Variants in ZMYM2 observed in about 807,000 individuals in gnomAD.
The protein encoded by ZMYM2 is zinc finger MYM-type containing 2, also known as zinc finger MYM-type protein 2.
Under a neutral mutation model 162.8 loss-of-function variants are expected in ZMYM2, and 56 were observed. The observed-to-expected ratio is 0.34, with a 90% CI of 0.28 to 0.43. The LOEUF is 0.43. Among genes scored for constraint, ZMYM2 ranks in the 20% least tolerant of loss-of-function variants. The pLI, the probability that ZMYM2 is intolerant of heterozygous loss-of-function variation, is 1.00. For synonymous variants in ZMYM2, 510 were observed against 541.6 expected, an observed-to-expected ratio of 0.94 and a Z score of 0.81; for missense variants, 1,275 against 1,621.8, an observed-to-expected ratio of 0.79 and a Z score of 3.67.
the ZMYM2 span, among the ~76,000 whole-genome samples, chr13:19,932,133 A>G: frequency 6.6e-6 from 1 of 152,278 alleles, no homozygotes; most frequent in Non-Finnish European, 1.5e-5. Flanking sequence ...ATGCTAGAAA[A>G]ATTCTTTCTA....
At chr13:20,052,502 A>T (rs1955454030) in intron 14 of ZMYM2, among the ~76,000 whole-genome samples, 191 bp downstream of exon 14, 1 of 151,972 alleles carries the variant, frequency 6.6e-6, no homozygotes, top group South Asian at 2.1e-4. Context: ...TATAAAGGAG[A>T]ATTAATTATA....
At chr13:20,058,758 TGA>T (rs1204933366) in intron 15 of ZMYM2, 54 bp downstream of exon 15, 1 of 1,594,440 alleles carries the variant, frequency 6.3e-7, no homozygotes, top group East Asian at 2.2e-5. Context: ...TCTCACCTAA[TGA>T]AATACATGCT....
In ZMYM2 at chr13:20,027,261, A is replaced by C; in HGVS notation, c.1794A>C (p.Thr598=). The part of the protein sequence containing the change: ...KRNSLPQYQA[T]MPDGKLYNFC... ...ACTCTTTACCTCAATACCAAGCCAC[A>C]ATGCCTGATGGAAAACTGTACAACT... The change falls in exon 9 of 25, where the codon ACA becomes ACC. Residue 598 remains threonine, a synonymous_variant. Coordinates refer to ENST00000610343, the MANE Select transcript of ZMYM2 (RefSeq NM_197968.4). 1 of 1,586,598 alleles carries C rather than the reference A, an allele frequency of 6.3e-7. No individual in the cohort carries two copies. The highest frequency in any genetic ancestry group is 1.1e-5 in the South Asian group (1 of 87,202).
At chr13:19,953,811 A>G (rs921209742), upstream of ZMYM2, among the ~76,000 whole-genome samples, 9 of 151,846 alleles carry the variant, frequency 5.9e-5, no homozygotes, top group Middle Eastern at 3.2e-3. Context: ...CTTTCTCCAG[A>G]GTAATATTTT....
chr13:20,062,744 A>T, intron 17 of ZMYM2, 102 bp from the exon 18 acceptor site: 3 of 1,178,764 alleles, frequency 2.5e-6, no homozygotes, highest in Admixed American at 3.4e-5. Flanking sequence ...GTATTTTTTT[A>T]TATTGCATTT....
the ZMYM2 span, among the ~76,000 whole-genome samples, chr13:19,919,696 A>G: frequency 6.3e-5 from 8 of 127,114 alleles, no homozygotes; most frequent in African/African-American, 2.4e-4. Context: ...TTTTTTTTTG[A>G]AATGGAGTTT....
intron 2 of ZMYM2, among the ~76,000 whole-genome samples, chr13:19,973,560 A>G (rs549425679): frequency 1.3e-5 from 2 of 151,508 alleles, no homozygotes; most frequent in African/African-American, 4.8e-5. Flanking sequence ...AGTCCCAGCT[A>G]CTTGAGAGGC....
chr13:19,875,501 G>A, the ZMYM2 span, among the ~76,000 whole-genome samples: 3 of 151,578 alleles, frequency 2.0e-5, no homozygotes, highest in East Asian at 1.9e-4. Context: ...GGAGGTGCGC[G>A]CCTATAGTGC....
the ZMYM2 span, among the ~76,000 whole-genome samples, chr13:19,871,930 G>A: frequency 6.6e-6 from 1 of 152,008 alleles, no homozygotes; most frequent in African/African-American, 2.4e-5. Context: ...ATGCACATGT[G>A]TAGAAAATTT....
chr13:19,878,517 C>CTT, the ZMYM2 span, among the ~76,000 whole-genome samples: 475 of 99,002 alleles, frequency 4.8e-3, 3 homozygotes, highest in Non-Finnish European at 6.6e-3. Flanking sequence ...TTCCTTTGCC[C>CTT]TTTTTTTTTT....
intron 21 of ZMYM2, among the ~76,000 whole-genome samples, chr13:20,079,246 G>A (rs1957736607): frequency 1.4e-5 from 2 of 146,926 alleles, no homozygotes; most frequent in South Asian, 4.4e-4. Flanking sequence ...TTGAACCCTG[G>A]AGGCAGAGGT....
chr13:19,922,070 C>T, the ZMYM2 span, among the ~76,000 whole-genome samples: 2 of 152,022 alleles, frequency 1.3e-5, no homozygotes, highest in Non-Finnish European at 2.9e-5. Context: ...CGCACCACCA[C>T]GCTCACCTTA....
intron 2 of ZMYM2, among the ~76,000 whole-genome samples, chr13:19,987,538 C>G (rs1949258689): frequency 6.6e-6 from 1 of 151,430 alleles, no homozygotes; most frequent in South Asian, 2.1e-4. Context: ...GCTGGGATTA[C>G]AGGCGTGAGG....
At chr13:19,904,145 A>G in the ZMYM2 span, among the ~76,000 whole-genome samples, 1 of 152,140 alleles carries the variant, frequency 6.6e-6, no homozygotes, top group Non-Finnish European at 1.5e-5. Context: ...TGGAATTTAT[A>G]GAATCATGGA....
chr13:19,988,562 T>A (rs934980622), intron 2 of ZMYM2, among the ~76,000 whole-genome samples: 1 of 152,028 alleles, frequency 6.6e-6, no homozygotes, highest in African/African-American at 2.4e-5. Flanking sequence ...GGCGGGTGGA[T>A]CACGAGGTCA....
At chr13:19,917,136 G>C in the ZMYM2 span, among the ~76,000 whole-genome samples, 1 of 151,764 alleles carries the variant, frequency 6.6e-6, no homozygotes, top group African/African-American at 2.4e-5. Flanking sequence ...CTAATTTTTT[G>C]TATTTTTAGT....
At chr13:20,042,667 G>A (rs1326593539) in intron 12 of ZMYM2, among the ~76,000 whole-genome samples, 1 of 152,076 alleles carries the variant, frequency 6.6e-6, no homozygotes, top group African/African-American at 2.4e-5. Flanking sequence ...TTTCATCTTT[G>A]TGGGCTTACA....
At chr13:20,060,495 A>C (rs183446795) in intron 16 of ZMYM2, among the ~76,000 whole-genome samples, 8 of 152,282 alleles carry the variant, frequency 5.3e-5, no homozygotes, top group Admixed American at 5.2e-4. Flanking sequence ...ACTGGCCAAC[A>C]TGGTGAAACC....
chr13:20,066,832 T>C lies in ZMYM2; in HGVS notation c.3133-19T>C. The C allele has an allele frequency of 1.3e-6, 2 of 1,542,952 alleles. No individual in the cohort carries two copies. The highest frequency in any genetic ancestry group is 1.7e-6 in the Non-Finnish European group (2 of 1,148,022). The stretch of plus-strand genomic sequence containing the variant: ...GTAGGCTTTAAAAAAGATATTATTA[T>C]GGTGTTTTTTACTAATAGGGAGCCA... On this transcript the variant is annotated intron_variant, in intron 19 of 24. Transcript: ENST00000610343.
Sources: gnomAD v4.1 joint callset for allele counts (sites outside exome capture counted in the v4.1 genomes callset) on GRCh38, gnomAD v4.1.1 for gene constraint, MANE v1.5 for transcripts, NCBI Gene and HGNC (gene_info 2026-07-23, HGNC 2026-07-21) for gene names.